CPNE4: variants seen among roughly 807,000 people sequenced by gnomAD.
CPNE4 encodes the protein copine 4, also known as copine-4.
Under a neutral mutation model 67.9 loss-of-function variants are expected in CPNE4, and 25 were observed. That is an observed-to-expected ratio of 0.37 (90% CI 0.27 to 0.51). CPNE4 has a LOEUF of 0.51. Ranked by LOEUF, CPNE4 falls within the 20% of genes least tolerant of loss-of-function variation. CPNE4 has a pLI of 0.93. For missense variants in CPNE4, 464 were observed against 690.8 expected (o/e 0.67, Z 3.68); for synonymous variants, 242 against 244.9 (o/e 0.99, Z 0.11).
At chr3:131,814,064 A>G (rs2084638299) in intron 2 of CPNE4, among the ~76,000 whole-genome samples, 1 of 152,196 alleles carries the variant, frequency 6.6e-6, no homozygotes, top group African/African-American at 2.4e-5. Flanking sequence ...CATATTCAGA[A>G]CTATATTATA....
At chr3:131,562,930 G>A (rs1936855376) in intron 11 of CPNE4, among the ~76,000 whole-genome samples, 1 of 151,920 alleles carries the variant, frequency 6.6e-6, no homozygotes, top group African/African-American at 2.4e-5. Flanking sequence ...ATCAGCAAGG[G>A]CCTGAGTGTT....
intron 7 of CPNE4, among the ~76,000 whole-genome samples, chr3:131,604,560 A>G (rs1976454): frequency 0.13 from 20,009 of 152,052 alleles, 1,869 homozygotes; most frequent in African/African-American, 0.26. Flanking sequence ...CAGCAAATAT[A>G]AAGCAGACAG....
At chr3:131,679,598 A>T (rs1249841061) in intron 6 of CPNE4, among the ~76,000 whole-genome samples, 1 of 152,108 alleles carries the variant, frequency 6.6e-6, no homozygotes, top group South Asian at 2.1e-4. Flanking sequence ...TACTGCTTTA[A>T]CTGTGTCCCA....
intron 7 of CPNE4, among the ~76,000 whole-genome samples, chr3:131,651,732 A>G (rs78908960): frequency 0.044 from 6,714 of 152,216 alleles, 500 homozygotes; most frequent in African/African-American, 0.15. Context: ...GTGGGGTAGT[A>G]CCTGGCACAG....
chr3:131,788,541 T>C (rs895563933), intron 2 of CPNE4, among the ~76,000 whole-genome samples: 3 of 152,142 alleles, frequency 2.0e-5, no homozygotes, highest in Non-Finnish European at 4.4e-5. Context: ...AATTTACTTA[T>C]AGATTTGGTG....
intron 15 of CPNE4, among the ~76,000 whole-genome samples, chr3:131,538,084 T>G (rs937036374): frequency 6.6e-6 from 1 of 152,252 alleles, no homozygotes; most frequent in East Asian, 1.9e-4. Context: ...ATGTTACCCT[T>G]GGTTAAAAAC....
intron 1 of CPNE4, among the ~76,000 whole-genome samples, chr3:131,951,179 T>C (rs2071709616): frequency 6.6e-6 from 1 of 152,208 alleles, no homozygotes; most frequent in Non-Finnish European, 1.5e-5. Flanking sequence ...GTTTAAGAGA[T>C]GTTTTGTGAT....
chr3:131,829,103 C>A (rs2085274525), intron 2 of CPNE4, among the ~76,000 whole-genome samples: 1 of 152,116 alleles, frequency 6.6e-6, no homozygotes, highest in African/African-American at 2.4e-5. Flanking sequence ...TGCAGGGAAA[C>A]TCCTGTTTTT....
chr3:131,812,185 A>G (rs1231324056), intron 2 of CPNE4, among the ~76,000 whole-genome samples: 1 of 151,102 alleles, frequency 6.6e-6, no homozygotes, highest in Admixed American at 6.6e-5. Context: ...CCAAGAAGGA[A>G]TAGAGAAGGT....
intron 2 of CPNE4, among the ~76,000 whole-genome samples, chr3:131,792,722 T>TATATATATACACGTGTATATATATATAC (rs1560323391): frequency 2.2e-5 from 2 of 92,416 alleles, no homozygotes; most frequent in African/African-American, 6.2e-5. Flanking sequence ...TATATATGTA[T>TATATATATACACGTGTATATATATATAC]ATATATACAC....
intron 1 of CPNE4, among the ~76,000 whole-genome samples, chr3:131,945,325 C>T (rs1434925765): frequency 6.6e-6 from 1 of 152,160 alleles, no homozygotes; most frequent in Non-Finnish European, 1.5e-5. Context: ...GCATATGCTG[C>T]TCAAATCTTC....
At chr3:131,566,397 A>G (rs758506805) in intron 10 of CPNE4, among the ~76,000 whole-genome samples, 33 of 151,742 alleles carry the variant, frequency 2.2e-4, no homozygotes, top group Non-Finnish European at 4.6e-4. Context: ...CTTCTGGGAC[A>G]GGTTTATCCT....
chr3:131,969,305 A>G (rs1278293718), intron 1 of CPNE4, among the ~76,000 whole-genome samples: 2 of 152,066 alleles, frequency 1.3e-5, no homozygotes, highest in Non-Finnish European at 2.9e-5. Flanking sequence ...GCAAACCACC[A>G]TGGCACATGT....
intron 3 of CPNE4, among the ~76,000 whole-genome samples, chr3:131,703,932 T>C (rs1460678866): frequency 6.6e-6 from 1 of 152,158 alleles, no homozygotes; most frequent in Non-Finnish European, 1.5e-5. Context: ...TACATATTAT[T>C]TGAAAAAGTG....
chr3:131,796,835 C>T (rs988271523), intron 2 of CPNE4, among the ~76,000 whole-genome samples: 1 of 152,252 alleles, frequency 6.6e-6, no homozygotes, highest in African/African-American at 2.4e-5. Flanking sequence ...GAGCCTTCCT[C>T]TCACTGCCAT....
chr3:131,756,484 C>G (rs1253628371), intron 2 of CPNE4, among the ~76,000 whole-genome samples: 3 of 152,146 alleles, frequency 2.0e-5, no homozygotes, highest in Non-Finnish European at 2.9e-5. Flanking sequence ...TTCCAAAGTG[C>G]CTTCACCTAG....
At chr3:131,777,050 G>C (rs2083308357) in intron 2 of CPNE4, among the ~76,000 whole-genome samples, 1 of 152,070 alleles carries the variant, frequency 6.6e-6, no homozygotes, top group African/African-American at 2.4e-5. Context: ...TGGTCCTCTT[G>C]CTCTCAAAGG....
rs374154728 is a variant in CPNE4, at chr3:131,764,716, A to C, written c.181-41091T>G. On this transcript the variant is annotated intron_variant, in intron 2 of 15. Transcript: ENST00000429747. The stretch of plus-strand genomic sequence containing the variant: ...CCTATGATCACAACTCAAAAGAAGA[A>C]GACTGCTTTGTCCATTTAGCAAGAA... 9.5e-4 allele frequency among the ~76,000 whole-genome samples: 145 copies of C among 152,268 alleles called. 1 individual carries two copies. Among genetic ancestry groups the C allele is most frequent in the African/African-American group, 2.8e-3 (115 of 41,560 alleles).
intron 7 of CPNE4, among the ~76,000 whole-genome samples, chr3:131,655,631 C>T (rs2079936824): frequency 6.6e-6 from 1 of 151,948 alleles, no homozygotes; most frequent in Admixed American, 6.5e-5. Context: ...TTAATTGCCA[C>T]AGGAAATGAA....
Sources: allele counts gnomAD v4.1 joint callset (sites outside exome capture counted in the v4.1 genomes callset), GRCh38; gene constraint gnomAD v4.1.1; transcripts MANE v1.5; gene names NCBI Gene and HGNC (gene_info 2026-07-23, HGNC 2026-07-21).